The following TBC1D8B variants were observed in gnomAD, a reference collection of about 807,000 sequenced individuals.
The protein encoded by TBC1D8B is RP11-321G1.1.
TBC1D8B carries 75 observed loss-of-function variants against 82.9 expected under a neutral mutation model. That is an observed-to-expected ratio of 0.90 (90% confidence interval 0.75 to 1.10). TBC1D8B has a LOEUF of 1.10. Ranked by LOEUF, TBC1D8B falls within the 50% of genes least tolerant of loss-of-function variation. The pLI is 0.00. For synonymous variants in TBC1D8B, 276 were observed against 276.8 expected (o/e 1.00, Z 0.03); for missense variants, 794 against 796.9 (o/e 1.00, Z 0.04).
chrX:106,873,386 G>A (rs776819198), intron 20 of TBC1D8B, among the ~76,000 whole-genome samples, 184 bp from the exon 21 acceptor site: 42 of 112,029 alleles, frequency 3.7e-4, no homozygotes, highest in African/African-American at 1.2e-3. Context: ...GTGCCACCGC[G>A]CCTGGCCCAT....
chrX:106,864,608 T>C (rs1932801729), intron 14 of TBC1D8B, among the ~76,000 whole-genome samples: 2 of 98,025 alleles, frequency 2.0e-5, no homozygotes, highest in Non-Finnish European at 4.0e-5. Flanking sequence ...AACCTCTGCC[T>C]CCCGGGTTCA....
intron 20 of TBC1D8B, 75 bp from the exon 21 acceptor site, chrX:106,873,495 T>A: frequency 1.0e-6 from 1 of 996,762 alleles, no homozygotes; most frequent in Non-Finnish European, 1.4e-6. Flanking sequence ...TATAGGAGAC[T>A]ATTCACTTCT....
chrX:106,860,163 G>A (rs1297775551), intron 14 of TBC1D8B, among the ~76,000 whole-genome samples: 1 of 110,393 alleles, frequency 9.1e-6, no homozygotes, highest in African/African-American at 3.3e-5. Flanking sequence ...TCTTTTTTTT[G>A]TTGTGTCTCT....
chrX:106,832,272 A>G (rs960142349), intron 7 of TBC1D8B, among the ~76,000 whole-genome samples: 1 of 111,622 alleles, frequency 9.0e-6, no homozygotes, highest in Non-Finnish European at 1.9e-5. Flanking sequence ...ATGCATGAGT[A>G]CCAGTTCTAT....
chrX:106,838,861 T>C (rs1369154543), intron 7 of TBC1D8B, among the ~76,000 whole-genome samples: 1 of 111,661 alleles, frequency 9.0e-6, no homozygotes, highest in Non-Finnish European at 1.9e-5. Flanking sequence ...GCCCTAGGGA[T>C]AGGGCTTTTA....
At chrX:106,822,289 A>G (rs1931717986) in intron 4 of TBC1D8B, 87 bp downstream of exon 4, 1 of 740,161 alleles carries the variant, frequency 1.4e-6, no homozygotes, top group African/African-American at 2.2e-5. Flanking sequence ...ATAAAATAAT[A>G]GGATTGATAT....
At chrX:106,824,712 T>C (rs1422651204) in intron 5 of TBC1D8B, among the ~76,000 whole-genome samples, 5 of 111,598 alleles carry the variant, frequency 4.5e-5, no homozygotes, top group Non-Finnish European at 9.4e-5. Flanking sequence ...TAAGATATAA[T>C]AAATCCATTT....
chrX:106,863,302 G>A (rs1157167989), intron 14 of TBC1D8B, among the ~76,000 whole-genome samples: 1 of 111,760 alleles, frequency 8.9e-6, no homozygotes, highest in Non-Finnish European at 1.9e-5. Flanking sequence ...CAGGGTAATG[G>A]TCTGTGAATG....
At chrX:106,826,305 C>A in intron 6 of TBC1D8B, 68 bp downstream of exon 6, 1 of 873,947 alleles carries the variant, frequency 1.1e-6, no homozygotes, top group South Asian at 2.7e-5. Context: ...GTAAAATGTC[C>A]TTTAATTCTA....
At chrX:106,827,052 A>T in intron 6 of TBC1D8B, 118 bp from the exon 7 acceptor site, 1 of 749,629 alleles carries the variant, frequency 1.3e-6, no homozygotes, top group Non-Finnish European at 2.0e-6. Context: ...CTATTTCTTA[A>T]TAAGTCATAC....
At chrX:106,814,057 T>G (rs1931459931) in intron 1 of TBC1D8B, 1 of 104,340 alleles carries the variant, frequency 9.6e-6, no homozygotes, top group East Asian at 3.0e-4. Context: ...CCTTCGTATG[T>G]TCATGTGTTC....
intron 7 of TBC1D8B, among the ~76,000 whole-genome samples, chrX:106,832,383 C>T (rs1294897051): frequency 9.0e-6 from 1 of 111,032 alleles, no homozygotes; most frequent in Non-Finnish European, 1.9e-5. Context: ...TAATAAACTG[C>T]TTGGAAAAAT....
intron 4 of TBC1D8B, among the ~76,000 whole-genome samples, chrX:106,822,919 G>A (rs1931736817): frequency 9.1e-6 from 1 of 110,225 alleles, no homozygotes; most frequent in Non-Finnish European, 1.9e-5. Context: ...CTTGGGATGT[G>A]AGAATCACTT....
At chrX:106,842,369 A>G (rs1368982129) in intron 10 of TBC1D8B, among the ~76,000 whole-genome samples, 2 of 111,162 alleles carry the variant, frequency 1.8e-5, no homozygotes, top group Non-Finnish European at 3.8e-5. Flanking sequence ...CATGGAGGGC[A>G]GGAGGAAAGT....
At chrX:106,851,923 T>C (rs1932594301) in intron 12 of TBC1D8B, among the ~76,000 whole-genome samples, 1 of 110,838 alleles carries the variant, frequency 9.0e-6, no homozygotes, top group African/African-American at 3.3e-5. Flanking sequence ...CCTTTGGGTA[T>C]ATACCCAGTA....
chrX:106,839,351 A>C lies in TBC1D8B; in HGVS notation c.1247A>C (p.Glu416Ala), dbSNP rs1333585966. The C allele has an allele frequency of 8.4e-7, 1 of 1,187,874 alleles. No individual in the cohort carries two copies. The highest frequency in any genetic ancestry group is 1.1e-6 in the Non-Finnish European group (1 of 882,843). ...SESTEPSDNF[E>A]VQSLTSQREC... ...TCTACAGAGCCATCTGATAATTTTG[A>C]GGTGCAATCTTTGACAAGTCAGAGG... Residue 416 changes from glutamate (E) to alanine (A), a missense_variant, in exon 8 of 21, where the codon GAG becomes GCG. By Grantham distance (107) the Glu-to-Ala change is moderately radical (BLOSUM62 -1). Coordinates refer to ENST00000357242, the MANE Select transcript of TBC1D8B (RefSeq NM_017752.3).
chrX:106,870,250 C>T (rs1286474607), intron 19 of TBC1D8B, among the ~76,000 whole-genome samples: 3 of 111,897 alleles, frequency 2.7e-5, no homozygotes, highest in East Asian at 5.6e-4. Context: ...AGGCTGATCT[C>T]GAACTCCTGG....
At chrX:106,830,754 A>G (rs751471436) in intron 7 of TBC1D8B, among the ~76,000 whole-genome samples, 117 of 89,600 alleles carry the variant, frequency 1.3e-3, no homozygotes, top group African/African-American at 4.7e-3. Context: ...ATGAGAACAC[A>G]TGGACACAGG....
chrX:106,850,834 C>T (rs73247965), intron 12 of TBC1D8B, among the ~76,000 whole-genome samples: 6 of 111,749 alleles, frequency 5.4e-5, no homozygotes, highest in Non-Finnish European at 9.4e-5. Flanking sequence ...TATCATAATG[C>T]CACATGAAAT....
Sources: gnomAD v4.1 joint callset for allele counts (sites outside exome capture counted in the v4.1 genomes callset) on GRCh38, gnomAD v4.1.1 for gene constraint, MANE v1.5 for transcripts, NCBI Gene and HGNC (gene_info 2026-07-23, HGNC 2026-07-21) for gene names.